Variants in EXOSC10 observed in about 807,000 individuals in gnomAD.
EXOSC10 encodes exosome component 10, also known as exosome complex component 10.
In EXOSC10, 94 loss-of-function variants were observed where a neutral mutation model predicts 126.6. The observed-to-expected ratio is 0.74, with a 90% CI of 0.63 to 0.88. The LOEUF is 0.88. Ranked by LOEUF, EXOSC10 falls within the 40% of genes least tolerant of loss-of-function variation. The probability of loss-of-function intolerance (pLI) is 0.00; values close to 1 mark genes in which losing one functional copy is unlikely to be tolerated. For synonymous variants in EXOSC10, 395 were observed against 400.8 expected (o/e 0.99, Z 0.17); for missense variants, 1,041 against 1,100.5 (o/e 0.95, Z 0.77).
chr1:11,075,566 A>G (rs897650507), intron 17 of EXOSC10, among the ~76,000 whole-genome samples: 2 of 152,192 alleles, frequency 1.3e-5, no homozygotes, highest in African/African-American at 4.8e-5. Context: ...ATTAGCTCTG[A>G]GGTCAGCTAA....
In EXOSC10 at chr1:11,087,410, A is replaced by T. The variant is rs752519323; in HGVS notation, c.1089+38T>A. The T allele has an allele frequency of 7.4e-6, 12 of 1,612,084 alleles. No homozygotes were observed. In the Admixed American group the frequency reaches 2.0e-4, roughly 27 times the overall value. The stretch of plus-strand genomic sequence containing the variant: ...CACTGAAAAGCACTAAAAATCTTGT[A>T]TGAGCTCACATGCATGAGTTACAAA... On this transcript the variant is annotated intron_variant, in intron 9 of 24. Coordinates refer to ENST00000376936, the MANE Select transcript of EXOSC10 (RefSeq NM_001001998.3).
At chr1:11,095,117 T>G (rs1570860641) in intron 3 of EXOSC10, among the ~76,000 whole-genome samples, 2 of 148,130 alleles carry the variant, frequency 1.4e-5, no homozygotes, top group East Asian at 2.0e-4. Context: ...GAGGCTGAGG[T>G]AGGAGAATCG....
At chr1:11,094,319 C>A (rs1209136501) in intron 3 of EXOSC10, among the ~76,000 whole-genome samples, 1 of 146,210 alleles carries the variant, frequency 6.8e-6, no homozygotes, top group Non-Finnish European at 1.5e-5. Context: ...TTTGAGATGG[C>A]GTCTCACTCT....
intron 9 of EXOSC10, among the ~76,000 whole-genome samples, chr1:11,084,902 G>A (rs1640405241): frequency 6.6e-6 from 1 of 152,102 alleles, no homozygotes; most frequent in Non-Finnish European, 1.5e-5. Context: ...CCCATTGCTT[G>A]TTTTTTGTCA....
intron 10 of EXOSC10, 134 bp downstream of exon 10, chr1:11,082,554 T>C: frequency 6.6e-7 from 1 of 1,507,288 alleles, no homozygotes; most frequent in Non-Finnish European, 8.8e-7. Flanking sequence ...CTGCTGAAGA[T>C]GCCTGGCGAA....
intron 24 of EXOSC10, 132 bp downstream of exon 24, chr1:11,067,876 G>T: frequency 1.4e-6 from 1 of 706,624 alleles, no homozygotes; most frequent in Non-Finnish European, 2.4e-6. Context: ...CCTGGCTGTG[G>T]GAGGTTCTCT....
chr1:11,079,811 C>T lies in EXOSC10; in HGVS notation c.1649G>A (p.Gly550Asp). The change falls in exon 14 of 25, where the codon GGC (glycine) becomes GAC (aspartate). Residue 550 changes from glycine (G) to aspartate (D), a missense_variant. Transcript: ENST00000376936. ...TACTGGGTTGCAGCAAGCTATGATG[C>T]CCTGAGGTTCCCTGAAGACAAGTAA... The part of the protein sequence containing the change: ...IAEELPKEPQ[G>D]IIACCNPVPP... 1 of 1,611,274 alleles carries T rather than the reference C, an allele frequency of 6.2e-7. No homozygotes were observed. Among genetic ancestry groups the T allele is most frequent in the Non-Finnish European group, 8.5e-7 (1 of 1,178,696 alleles).
intron 2 of EXOSC10, 72 bp downstream of exon 2, chr1:11,097,948 C>T: frequency 1.5e-6 from 2 of 1,368,060 alleles, no homozygotes; most frequent in Non-Finnish European, 1.9e-6. Context: ...AAATAAATTT[C>T]AGGAAAAATT....
Position 11,095,820 on chromosome 1 carries a change from T to C in EXOSC10, c.310A>G (p.Thr104Ala), listed in dbSNP as rs777851905. 1.2e-6 allele frequency: 2 copies of C among 1,614,050 alleles called. No homozygotes were observed. Among genetic ancestry groups the C allele is most frequent in the Admixed American group, 3.3e-5 (2 of 60,030 alleles). The part of the protein sequence containing the change: ...RSNIKDRSKV[T>A]ELEDKFDLLV... ...AAATCAAACTTGTCTTCCAGCTCAG[T>C]CACTTTACTTCGATCCTTAATGTTG... The change falls in exon 3 of 25, where the codon ACT (threonine) becomes GCT (alanine). Residue 104 changes from threonine to alanine, a missense_variant. Coordinates refer to ENST00000376936, the MANE Select transcript of EXOSC10 (RefSeq NM_001001998.3).
intron 10 of EXOSC10, among the ~76,000 whole-genome samples, chr1:11,081,943 G>A (rs147793380): frequency 0.012 from 1,810 of 152,022 alleles, 48 homozygotes; most frequent in African/African-American, 0.041. Context: ...TTAGCTGGGC[G>A]TGGTGGTGCA....
intron 24 of EXOSC10, among the ~76,000 whole-genome samples, chr1:11,067,603 A>G (rs117044164): frequency 0.011 from 1,726 of 152,208 alleles, 68 homozygotes; most frequent in South Asian, 0.067. Context: ...GACTCTCACA[A>G]AACAAAACCA....
intron 2 of EXOSC10, among the ~76,000 whole-genome samples, chr1:11,097,477 A>C (rs1219968473): frequency 6.6e-6 from 1 of 152,216 alleles, no homozygotes; most frequent in African/African-American, 2.4e-5. Flanking sequence ...CTGTAATCCC[A>C]GCACTTTGGG....
At chr1:11,077,551 G>A in intron 15 of EXOSC10, 50 bp downstream of exon 15, 1 of 1,611,008 alleles carries the variant, frequency 6.2e-7, no homozygotes, top group South Asian at 1.1e-5. Context: ...TGCACTGGCT[G>A]TGACTTGACG....
rs142499166 is a variant in EXOSC10 at position 11,094,069 on chromosome 1, G to C, written c.372+1689C>G. ...CACTCCAGCCTGGGTGACAGAGCAA[G>C]ACTTCAGTATCCAAAAAAATAAAAA... On this transcript the variant is annotated intron_variant, in intron 3 of 24. Coordinates refer to ENST00000376936, the MANE Select transcript of EXOSC10 (RefSeq NM_001001998.3). Among the ~76,000 whole-genome samples the C allele has an allele frequency of 4.6e-5, 7 of 152,246 alleles. No homozygotes were observed. In the East Asian group the frequency reaches 1.4e-3, roughly 29 times the overall value.
rs1009341045 is a variant in EXOSC10 at position 11,099,644 on chromosome 1, T to C, written c.111+77A>G. 5.8e-6 allele frequency: 8 copies of C among 1,383,284 alleles called. No individual in the cohort carries two copies. The African/African-American group carries it at 7.6e-5, about 13-fold the overall frequency. 85.7% of individuals were successfully genotyped at this position (1,383,284 alleles called of 1,614,324 possible). A position where few individuals can be genotyped will look rare whatever the true frequency, so the allele number is the denominator to read the frequency against. On this transcript the variant is annotated intron_variant, in intron 1 of 24. Coordinates refer to ENST00000376936, the MANE Select transcript of EXOSC10 (RefSeq NM_001001998.3). The stretch of plus-strand genomic sequence containing the variant: ...CGGGCTCCACTACGGCGGGCGGGCA[T>C]TGGCTGCCCAGAGGGCCCAGTCGGC...
intron 19 of EXOSC10, among the ~76,000 whole-genome samples, chr1:11,073,356 T>C (rs896317042): frequency 6.6e-6 from 1 of 151,924 alleles, no homozygotes; most frequent in Non-Finnish European, 1.5e-5. Flanking sequence ...ATGGTTTCGA[T>C]CTCCTGACCT....
At chr1:11,093,056 C>T (rs911055425) in intron 3 of EXOSC10, among the ~76,000 whole-genome samples, 2 of 151,972 alleles carry the variant, frequency 1.3e-5, no homozygotes, top group Non-Finnish European at 2.9e-5. Context: ...TGTAAATGAT[C>T]GCCTATACAA....
At chr1:11,089,996 C>CTTT (rs70977545) in intron 6 of EXOSC10, among the ~76,000 whole-genome samples, 5 of 106,494 alleles carry the variant, frequency 4.7e-5, no homozygotes, top group African/African-American at 1.9e-4. Context: ...GCTTTTACAT[C>CTTT]TTTTTTTTTT....
chr1:11,080,813 G>GTTGA lies in EXOSC10; in HGVS notation c.1536_1537insTCAA (p.Leu513SerfsTer8). 1 of 1,614,186 alleles carries GTTGA rather than the reference G, an allele frequency of 6.2e-7. No individual in the cohort carries two copies. The highest frequency in any genetic ancestry group is 8.5e-7 in the Non-Finnish European group (1 of 1,180,030). ...GCTGTTTTATCCCTCCAGGCAAACA[G>GTTGA]CAGCTGAAAGGCTGTCAACTGCTGT... On this transcript the variant is annotated frameshift_variant, in exon 12 of 25. Transcript: ENST00000376936. LOFTEE classifies it high-confidence loss of function.
Sources: allele counts gnomAD v4.1 joint callset (sites outside exome capture counted in the v4.1 genomes callset), GRCh38; gene constraint gnomAD v4.1.1; transcripts MANE v1.5; gene names NCBI Gene and HGNC (gene_info 2026-07-23, HGNC 2026-07-21).